The following MYO16 variants were observed in gnomAD, a reference collection of about 807,000 sequenced individuals.
MYO16 encodes myosin XVI, also known as unconventional myosin-XVI.
MYO16 carries 94 observed loss-of-function variants against 205.3 expected under a neutral mutation model. The ratio of observed to expected loss-of-function variants is 0.46; its 90% CI spans 0.39 to 0.54. The LOEUF is 0.54. MYO16 is among the 20% of genes least tolerant of loss of function. The pLI, the probability that MYO16 is intolerant of heterozygous loss-of-function variation, is 0.00. For synonymous variants in MYO16, 988 were observed against 954.0 expected (o/e 1.04, Z -0.66); for missense variants, 2,315 against 2,387.5 (o/e 0.97, Z 0.63).
intron 2 of MYO16, among the ~76,000 whole-genome samples, chr13:108,683,785 G>A (rs2139475952): frequency 6.6e-6 from 1 of 152,320 alleles, no homozygotes; most frequent in South Asian, 2.1e-4. Context: ...TGGGGCCCTG[G>A]TGTGTGTCCC....
intron 9 of MYO16, among the ~76,000 whole-genome samples, chr13:108,841,567 A>G (rs555219715): frequency 2.0e-5 from 3 of 152,328 alleles, no homozygotes; most frequent in South Asian, 4.1e-4. Context: ...TTGAAACACA[A>G]TTATGCAAAT....
intron 33 of MYO16, chr13:109,166,832 CA>C (rs1210480350): frequency 6.6e-6 from 1 of 152,164 alleles, no homozygotes; most frequent in Non-Finnish European, 1.5e-5. Context: ...ATATTACTCC[CA>C]AAACTTGGAG....
intron 34 of MYO16, among the ~76,000 whole-genome samples, chr13:109,179,930 G>A (rs1237428615): frequency 6.6e-6 from 1 of 152,114 alleles, no homozygotes; most frequent in East Asian, 1.9e-4. Context: ...CTCGGGTGAA[G>A]ATGATATTAA....
chr13:108,685,025 A>AATT (rs538886241), intron 2 of MYO16, among the ~76,000 whole-genome samples: 1 of 142,094 alleles, frequency 7.0e-6, no homozygotes, highest in East Asian at 2.1e-4. Context: ...AACCACCCCA[A>AATT]TTTTTTTTTT....
At chr13:109,075,133 G>A (rs957029151) in intron 27 of MYO16, among the ~76,000 whole-genome samples, 2 of 152,150 alleles carry the variant, frequency 1.3e-5, no homozygotes, top group African/African-American at 2.4e-5. Flanking sequence ...GTTATTACAA[G>A]TAGAGCTTCT....
chr13:108,568,196 G>T, the MYO16 span, among the ~76,000 whole-genome samples: 2 of 152,036 alleles, frequency 1.3e-5, no homozygotes, highest in Non-Finnish European at 2.9e-5. Flanking sequence ...ATAAATGTAG[G>T]TTTTCATTTA....
At chr13:108,796,972 G>T (rs1007142157) in intron 6 of MYO16, among the ~76,000 whole-genome samples, 2 of 152,004 alleles carry the variant, frequency 1.3e-5, no homozygotes, top group African/African-American at 2.4e-5. Flanking sequence ...TGACTGAAAA[G>T]GACAGGGGTA....
chr13:108,590,958 T>A, the MYO16 span, among the ~76,000 whole-genome samples: 4 of 152,178 alleles, frequency 2.6e-5, 1 homozygote, highest in Admixed American at 2.6e-4. Context: ...TCCTAGGAAA[T>A]TAATACAGTG....
At chr13:108,685,884 G>A (rs1034953179) in intron 2 of MYO16, among the ~76,000 whole-genome samples, 7 of 152,132 alleles carry the variant, frequency 4.6e-5, no homozygotes, top group Non-Finnish European at 8.8e-5. Flanking sequence ...CCTTATTTGT[G>A]AGGGCACCAG....
intron 34 of MYO16, among the ~76,000 whole-genome samples, chr13:109,204,349 A>G (rs778374851): frequency 5.8e-4 from 89 of 152,214 alleles, no homozygotes; most frequent in African/African-American, 2.9e-4. Flanking sequence ...CATTGTTTTC[A>G]GAGATCACTA....
chr13:109,112,687 G>A (rs1889326335), intron 28 of MYO16, among the ~76,000 whole-genome samples: 1 of 152,134 alleles, frequency 6.6e-6, no homozygotes, highest in Non-Finnish European at 1.5e-5. Flanking sequence ...CCTGGGAGAA[G>A]GAGGTTGTGG....
chr13:109,050,239 C>G (rs1166932582), intron 24 of MYO16, among the ~76,000 whole-genome samples: 1 of 152,026 alleles, frequency 6.6e-6, no homozygotes, highest in African/African-American at 2.4e-5. Context: ...AAATCTGAGA[C>G]AGTTCTTCAG....
At chr13:108,986,160 C>T (rs1884626508) in intron 20 of MYO16, among the ~76,000 whole-genome samples, 1 of 152,076 alleles carries the variant, frequency 6.6e-6, no homozygotes, top group Non-Finnish European at 1.5e-5. Flanking sequence ...CCCCATGATT[C>T]GATTACCTCC....
intron 2 of MYO16, among the ~76,000 whole-genome samples, chr13:108,703,049 C>T (rs1166302822): frequency 6.6e-6 from 1 of 151,964 alleles, no homozygotes; most frequent in Non-Finnish European, 1.5e-5. Flanking sequence ...ACATAACAAA[C>T]AAAAGCAAAA....
At chr13:109,165,462 T>C (rs1187084721) in intron 33 of MYO16, among the ~76,000 whole-genome samples, 1 of 152,186 alleles carries the variant, frequency 6.6e-6, no homozygotes, top group Non-Finnish European at 1.5e-5. Context: ...AGTACATCAA[T>C]GAGTGCCACA....
chr13:108,882,938 G>A (rs752117354), intron 12 of MYO16, 121 bp from the exon 13 acceptor site: 9 of 1,342,008 alleles, frequency 6.7e-6, no homozygotes, highest in African/African-American at 1.5e-5. Context: ...ATACCAATGA[G>A]ATTCAGAATT....
chr13:108,536,052 T>C, the MYO16 span, among the ~76,000 whole-genome samples: 1 of 151,618 alleles, frequency 6.6e-6, no homozygotes, highest in East Asian at 1.9e-4. Context: ...TGTGTGCACG[T>C]GTGTGAGTGT....
chr13:108,985,961 T>A (rs1453578690), intron 20 of MYO16, among the ~76,000 whole-genome samples: 1 of 151,500 alleles, frequency 6.6e-6, no homozygotes, highest in African/African-American at 2.4e-5. Context: ...GAAAAAGAGG[T>A]TTAATGGACT....
chr13:109,136,143 G>A (rs1876765287), intron 31 of MYO16, among the ~76,000 whole-genome samples: 1 of 151,390 alleles, frequency 6.6e-6, no homozygotes, highest in Non-Finnish European at 1.5e-5. Flanking sequence ...GCCCAGGCTG[G>A]AATGCAGTGG....
Sources: allele counts gnomAD v4.1 joint callset (sites outside exome capture counted in the v4.1 genomes callset), GRCh38; gene constraint gnomAD v4.1.1; transcripts MANE v1.5; gene names NCBI Gene and HGNC (gene_info 2026-07-23, HGNC 2026-07-21).